The following PCDHA10 variants were observed in gnomAD, a reference collection of about 807,000 sequenced individuals.
The protein encoded by PCDHA10 is protocadherin alpha-10.
PCDHA10 carries 45 observed loss-of-function variants against 61.2 expected under a neutral mutation model. The ratio of observed to expected loss-of-function variants is 0.74; its 90% CI spans 0.58 to 0.94. PCDHA10 has a LOEUF of 0.94. Among genes scored for constraint, PCDHA10 ranks in the 40% least tolerant of loss-of-function variants. The probability of loss-of-function intolerance (pLI) is 0.00; values close to 1 mark genes in which losing one functional copy is unlikely to be tolerated. For missense variants in PCDHA10, 1,278 were observed against 1,236.2 expected (o/e 1.03, Z -0.51); for synonymous variants, 602 against 548.8 (o/e 1.10, Z -1.35).
intron 1 of PCDHA10, among the ~76,000 whole-genome samples, chr5:140,965,085 C>T (rs1439379437): frequency 6.6e-6 from 1 of 152,142 alleles, no homozygotes; most frequent in African/African-American, 2.4e-5. Context: ...TGACTTTGTT[C>T]CAGTCCATAG....
chr5:140,882,662 A>G (rs1554175058), intron 1 of PCDHA10: 7 of 1,614,224 alleles, frequency 4.3e-6, no homozygotes, highest in Non-Finnish European at 5.9e-6. Context: ...CAACCCGCCC[A>G]TATTCCCTGA....
intron 1 of PCDHA10, among the ~76,000 whole-genome samples, chr5:140,892,007 T>C (rs1285446962): frequency 1.3e-5 from 2 of 152,244 alleles, no homozygotes; most frequent in South Asian, 2.1e-4. Context: ...CATTCTGTTA[T>C]AGCAGCACAA....
At chr5:140,995,698 G>A (rs963042409) in intron 3 of PCDHA10, among the ~76,000 whole-genome samples, 2 of 152,104 alleles carry the variant, frequency 1.3e-5, no homozygotes, top group African/African-American at 2.4e-5. Flanking sequence ...TTAAATAAAG[G>A]GCTGGGCTTG....
intron 1 of PCDHA10, chr5:140,871,305 G>A (rs782666863): frequency 3.7e-6 from 6 of 1,613,874 alleles, no homozygotes; most frequent in African/African-American, 1.3e-5. Context: ...GCGCGCCGGG[G>A]AAGCCCACGC....
intron 1 of PCDHA10, chr5:140,967,425 C>A (rs1218574888): frequency 1.2e-6 from 2 of 1,613,178 alleles, no homozygotes; most frequent in Non-Finnish European, 1.7e-6. Context: ...CGGGAGCAGG[C>A]AGCCTTGCAC....
intron 1 of PCDHA10, among the ~76,000 whole-genome samples, chr5:140,923,449 G>A (rs189150090): frequency 6.6e-6 from 1 of 152,166 alleles, no homozygotes; most frequent in African/African-American, 2.4e-5. Flanking sequence ...GATCACCTGA[G>A]CCCAGAGAGG....
intron 1 of PCDHA10, among the ~76,000 whole-genome samples, chr5:140,964,964 C>T (rs1035701368): frequency 2.6e-5 from 4 of 152,212 alleles, no homozygotes; most frequent in Non-Finnish European, 4.4e-5. Flanking sequence ...GTTGGTGGAA[C>T]GAAGGGATGT....
intron 1 of PCDHA10, among the ~76,000 whole-genome samples, chr5:140,905,415 C>A (rs2071821709): frequency 6.6e-6 from 1 of 152,128 alleles, no homozygotes; most frequent in Non-Finnish European, 1.5e-5. Context: ...ATACCAGTAC[C>A]ATGCTGGTTT....
chr5:140,871,692 C>A, intron 1 of PCDHA10: 2 of 997,190 alleles, frequency 2.0e-6, no homozygotes, highest in Non-Finnish European at 2.9e-6. Flanking sequence ...AATCTGGCTT[C>A]TTTAACCAAT....
intron 1 of PCDHA10, among the ~76,000 whole-genome samples, chr5:140,907,411 G>T (rs1053744231): frequency 6.6e-6 from 1 of 152,192 alleles, no homozygotes; most frequent in Non-Finnish European, 1.5e-5. Flanking sequence ...GGAATACCAC[G>T]ATGGTGGATA....
At chr5:140,878,225 A>G (rs1554170330) in intron 1 of PCDHA10, 1 of 156,262 alleles carries the variant, frequency 6.4e-6, no homozygotes, top group Non-Finnish European at 1.4e-5. Context: ...CCTAGATCCC[A>G]TTAATGGATT....
In PCDHA10 at chr5:140,982,576, G is replaced by C. The variant is rs782355791; in HGVS notation, c.2536+13G>C. ...AGTGCAACACCAGGTAAAGAGCTGG[G>C]GTCTCTCCATTCTTTCTTGGTTTCT... On this transcript the variant is annotated intron_variant, in intron 3 of 3. Transcript: ENST00000307360. 3.1e-6 allele frequency: 5 copies of C among 1,613,270 alleles called. 1 individual carries two copies. In the South Asian group the frequency reaches 5.5e-5, roughly 18 times the overall value.
intron 3 of PCDHA10, among the ~76,000 whole-genome samples, chr5:140,997,728 A>G (rs1376007377): frequency 6.6e-6 from 1 of 152,030 alleles, no homozygotes; most frequent in Non-Finnish European, 1.5e-5. Flanking sequence ...ACGTCAGTAC[A>G]TATAGATTTG....
intron 1 of PCDHA10, chr5:140,928,860 G>A: frequency 1.2e-6 from 2 of 1,614,154 alleles, no homozygotes; most frequent in Non-Finnish European, 1.7e-6. Flanking sequence ...GTGTGCTGTT[G>A]AGCAACTCTG....
chr5:140,891,637 G>A (rs1245368138), intron 1 of PCDHA10, among the ~76,000 whole-genome samples: 1 of 151,912 alleles, frequency 6.6e-6, no homozygotes, highest in East Asian at 1.9e-4. Context: ...TGCTCTTTGG[G>A]CTTTATTGTG....
chr5:141,000,419 A>T (rs1394449061), intron 3 of PCDHA10, among the ~76,000 whole-genome samples: 972 of 60,664 alleles, frequency 0.016, 14 homozygotes, highest in African/African-American at 0.023. Flanking sequence ...ATATATATAT[A>T]TATTTTTTTT....
chr5:140,865,608 A>G (rs915675853), intron 1 of PCDHA10: 4 of 152,202 alleles, frequency 2.6e-5, no homozygotes, highest in Non-Finnish European at 5.9e-5. Context: ...CAGTTTATTA[A>G]TATATTTGTT....
Position 140,927,005 on chromosome 5 carries a change from A to G in PCDHA10, c.2389-51944A>G, listed in dbSNP as rs1554203909. On this transcript the variant is annotated intron_variant, in intron 1 of 3. Coordinates refer to ENST00000307360, the MANE Select transcript of PCDHA10 (RefSeq NM_018901.4). ...ACGGAGCGGGGCGTAGCCGTAGGCA[A>G]TCTCTCCGCGGACTTGAGGCTGCCA... 6 of 1,612,394 alleles carry G rather than the reference A, an allele frequency of 3.7e-6. No homozygotes were observed. The South Asian group carries it at 4.4e-5, about 12-fold the overall frequency.
At chr5:140,874,174 G>A (rs2054753797) in intron 1 of PCDHA10, among the ~76,000 whole-genome samples, 1 of 152,292 alleles carries the variant, frequency 6.6e-6, no homozygotes, top group East Asian at 1.9e-4. Context: ...CTTTCCTGGT[G>A]TTGTAAAGGT....
Sources: allele counts gnomAD v4.1 joint callset (sites outside exome capture counted in the v4.1 genomes callset), GRCh38; gene constraint gnomAD v4.1.1; transcripts MANE v1.5; gene names NCBI Gene and HGNC (gene_info 2026-07-23, HGNC 2026-07-21).